The following DSCAM variants were observed in gnomAD, a reference collection of about 807,000 sequenced individuals.
The protein encoded by DSCAM is DS cell adhesion molecule.
A neutral mutation model predicts 217.7 loss-of-function variants in DSCAM; 47 were observed. That is an observed-to-expected ratio of 0.22 (90% CI 0.17 to 0.28). The LOEUF is 0.28. Among genes scored for constraint, DSCAM ranks in the 10% least tolerant of loss-of-function variants. The pLI, the probability that DSCAM is intolerant of heterozygous loss-of-function variation, is 1.00. For synonymous variants in DSCAM, 1,056 were observed against 1,015.3 expected (o/e 1.04, Z -0.76); for missense variants, 2,080 against 2,618.3 (o/e 0.79, Z 4.49).
chr21:40,501,091 G>T (rs1221536571), intron 3 of DSCAM, among the ~76,000 whole-genome samples: 3 of 152,088 alleles, frequency 2.0e-5, no homozygotes, highest in Non-Finnish European at 2.9e-5. Flanking sequence ...TCTCAGCAGG[G>T]TTACCATATT....
At chr21:40,521,520 G>A (rs1289138436) in intron 3 of DSCAM, among the ~76,000 whole-genome samples, 2 of 152,118 alleles carry the variant, frequency 1.3e-5, no homozygotes, top group Non-Finnish European at 2.9e-5. Context: ...GTGATGCTGA[G>A]AATGTTTTCA....
chr21:40,630,291 T>C (rs533774392), intron 3 of DSCAM, among the ~76,000 whole-genome samples: 4 of 152,320 alleles, frequency 2.6e-5, no homozygotes, highest in Non-Finnish European at 4.4e-5. Flanking sequence ...TTTGCAAACA[T>C]TTTTGTTGCT....
At position 40,124,297 on chromosome 21, in the gene DSCAM, C is replaced by T. The variant is rs745904747; in HGVS notation, c.3594G>A (p.Ala1198=). The T allele has an allele frequency of 7.3e-5, 118 of 1,613,982 alleles. 1 individual carries two copies. The East Asian group carries it at 2.2e-3, about 31-fold the overall frequency. ...CAAAGACCATGGAGGCTGAGGCCGC[C>T]GCTGCCTTCACACCCGCGGGAGGAC... The part of the protein sequence containing the change: ...VPGPPAGVKA[A]AASASMVFVS... The change falls in exon 20 of 33, where the codon GCG becomes GCA. Residue 1198 remains alanine, a synonymous_variant. Transcript: ENST00000400454.
chr21:40,394,511 G>A (rs555310762), intron 3 of DSCAM, among the ~76,000 whole-genome samples: 4 of 152,314 alleles, frequency 2.6e-5, no homozygotes, highest in East Asian at 1.9e-4. Flanking sequence ...ATCTGACTGC[G>A]TTTTAACCGC....
rs114314899 is a variant in DSCAM at position 40,633,424 on chromosome 21, G to A, written c.508+59386C>T. Among the ~76,000 whole-genome samples the A allele has an allele frequency of 4.7e-3, 721 of 152,262 alleles. 6 individuals are homozygous for A. The highest frequency in any genetic ancestry group is 0.016 in the African/African-American group (661 of 41,534). On this transcript the variant is annotated intron_variant, in intron 3 of 32. Transcript: ENST00000400454. ...ATAAAACAAGATGGCTATACTCTTC[G>A]TTCCCAATATGTCCTAGAAATTGCT...
intron 3 of DSCAM, among the ~76,000 whole-genome samples, chr21:40,637,650 T>TAAATATATA (rs1491367143): frequency 8.7e-4 from 35 of 40,282 alleles, no homozygotes; most frequent in Non-Finnish European, 7.4e-4. Context: ...TAAATATATA[T>TAAATATATA]CTATATATAT....
chr21:40,615,332 T>C (rs2089377997), intron 3 of DSCAM: 2 of 150,120 alleles, frequency 1.3e-5, no homozygotes, highest in African/African-American at 4.9e-5. Flanking sequence ...GAATATTATA[T>C]ACCAAAATGT....
At chr21:40,593,416 C>A (rs1238409309) in intron 3 of DSCAM, among the ~76,000 whole-genome samples, 1 of 151,932 alleles carries the variant, frequency 6.6e-6, no homozygotes, top group Non-Finnish European at 1.5e-5. Context: ...ACCTCTGCCT[C>A]CTGGGTCCAA....
In DSCAM at chr21:40,189,223, G is replaced by A. The variant is rs763560303; in HGVS notation, c.2372C>T (p.Thr791Ile). The change falls in exon 12 of 33, where the codon ACA (threonine) becomes ATA (isoleucine). Residue 791 changes from threonine to isoleucine, a missense_variant. Transcript: ENST00000400454. ...YLTVKIPAMI[T>I]SYPNTTLATQ... Reference sequence around the variant, plus strand: ...GGCCAGGGTAGTATTTGGATAGGATGTTATCATCGCAGGAACTGAAAAAGC... The same window carrying A: ...GGCCAGGGTAGTATTTGGATAGGATATTATCATCGCAGGAACTGAAAAAGC... The A allele has an allele frequency of 4.4e-6, 7 of 1,589,620 alleles. No homozygotes were observed. The Admixed American group carries it at 5.5e-5, about 12-fold the overall frequency.
At chr21:40,122,706 T>C (rs2837435) in intron 20 of DSCAM, among the ~76,000 whole-genome samples, 53,352 of 151,940 alleles carry the variant, frequency 0.35, 11,338 homozygotes, top group African/African-American at 0.61. Flanking sequence ...TGTTGTGGAG[T>C]CTAACTCTGA....
intron 3 of DSCAM, among the ~76,000 whole-genome samples, chr21:40,420,532 C>A (rs1470477339): frequency 6.6e-6 from 1 of 152,062 alleles, no homozygotes; most frequent in Non-Finnish European, 1.5e-5. Context: ...TGGTTTGAAC[C>A]AAGTATCTAT....
In DSCAM at chr21:40,175,946, T is replaced by C. The variant is rs189423137; in HGVS notation, c.2947+2981A>G. Among the ~76,000 whole-genome samples the C allele has an allele frequency of 1.0e-3, 154 of 151,828 alleles. 2 individuals are homozygous for C. The highest frequency in any genetic ancestry group is 2.8e-4 in the Non-Finnish European group (19 of 67,932). ...TGCCAGACACACACAAGGGACAGAA[T>C]TGTAAGCACATATGCCCCCTGATGT... On this transcript the variant is annotated intron_variant, in intron 15 of 32. Transcript: ENST00000400454.
intron 1 of DSCAM, among the ~76,000 whole-genome samples, chr21:40,736,926 G>A (rs934087312): frequency 1.3e-5 from 2 of 151,916 alleles, no homozygotes; most frequent in Non-Finnish European, 2.9e-5. Context: ...TTAGTTTTAT[G>A]GAATATTATG....
chr21:40,396,690 T>C (rs2075181894), intron 3 of DSCAM, among the ~76,000 whole-genome samples: 1 of 152,034 alleles, frequency 6.6e-6, no homozygotes, highest in Non-Finnish European at 1.5e-5. Context: ...CTACTACTAC[T>C]ACTACTACTA....
At chr21:40,584,411 T>A (rs1402445995) in intron 3 of DSCAM, among the ~76,000 whole-genome samples, 1 of 152,162 alleles carries the variant, frequency 6.6e-6, no homozygotes, top group African/African-American at 2.4e-5. Flanking sequence ...ATGACAAGGA[T>A]TGAGATCAAC....
chr21:40,759,966 T>C (rs1454527507), intron 1 of DSCAM, among the ~76,000 whole-genome samples: 67 of 13,068 alleles, frequency 5.1e-3, no homozygotes, highest in African/African-American at 0.035. Context: ...TACATTTATT[T>C]ATTTATTTAT....
intron 3 of DSCAM, among the ~76,000 whole-genome samples, chr21:40,636,405 G>T (rs1879124138): frequency 2.6e-5 from 4 of 152,098 alleles, no homozygotes; most frequent in Non-Finnish European, 5.9e-5. Context: ...AGAGAGGGAA[G>T]AAGGAAGGGG....
rs145243263 is a variant in DSCAM, at chr21:40,648,021, C to T, written c.508+44789G>A. 6.8e-3 allele frequency among the ~76,000 whole-genome samples: 1,037 copies of T among 152,198 alleles called. 10 individuals are homozygous for T. The highest frequency in any genetic ancestry group is 0.023 in the African/African-American group (968 of 41,516). On this transcript the variant is annotated intron_variant, in intron 3 of 32. Transcript: ENST00000400454. ...AAATGAATTAACTTGGTGCATGCAA[C>T]AGCACATGCACCGAGTAGCAAGAAA...
intron 11 of DSCAM, among the ~76,000 whole-genome samples, chr21:40,226,588 C>T (rs2091334771): frequency 6.6e-6 from 1 of 152,136 alleles, no homozygotes; most frequent in Admixed American, 6.5e-5. Context: ...CCATGCAGCC[C>T]TCCACAAAGA....
Sources: allele counts gnomAD v4.1 joint callset (sites outside exome capture counted in the v4.1 genomes callset), GRCh38; gene constraint gnomAD v4.1.1; transcripts MANE v1.5; gene names NCBI Gene and HGNC (gene_info 2026-07-23, HGNC 2026-07-21).